The following KIF13B variants were observed in gnomAD, a reference collection of about 807,000 sequenced individuals.
The protein encoded by KIF13B is kinesin family member 13B.
KIF13B carries 127 observed loss-of-function variants against 222.0 expected under a neutral mutation model. That is an observed-to-expected ratio of 0.57 (90% CI 0.50 to 0.66). The LOEUF (loss-of-function observed/expected upper bound fraction) is 0.66. Among genes scored for constraint, KIF13B ranks in the 30% least tolerant of loss-of-function variants. The pLI is 0.00. For synonymous variants in KIF13B, 976 were observed against 919.0 expected, an observed-to-expected ratio of 1.06 and a Z score of -1.12; for missense variants, 2,173 against 2,379.0, an observed-to-expected ratio of 0.91 and a Z score of 1.80.
At chr8:29,259,545 T>C (rs1261530327) in intron 1 of KIF13B, among the ~76,000 whole-genome samples, 1 of 152,236 alleles carries the variant, frequency 6.6e-6, no homozygotes, top group Non-Finnish European at 1.5e-5. Context: ...CTATCTAATA[T>C]AAGCCAGATA....
chr8:29,110,128 C>T (rs992880985), intron 32 of KIF13B, 58 bp from the exon 33 acceptor site: 11 of 1,336,362 alleles, frequency 8.2e-6, no homozygotes, highest in Non-Finnish European at 1.0e-5. Flanking sequence ...CACACACGTA[C>T]ACGCGTGCAC....
At position 29,069,282 on chromosome 8, in the gene KIF13B, G is replaced by C. The variant is rs1807139946; in HGVS notation, c.*1222C>G. Reference sequence around the variant, plus strand: ...GAGGCCACCCCGGAAGCTTCCGGCTGTCCCGCCCACACCATGCACGGTGGG... The same window carrying C: ...GAGGCCACCCCGGAAGCTTCCGGCTCTCCCGCCCACACCATGCACGGTGGG... On this transcript the variant is annotated 3_prime_UTR_variant, in exon 40 of 40. Coordinates refer to ENST00000524189, the MANE Select transcript of KIF13B (RefSeq NM_015254.4). The C allele has an allele frequency of 6.6e-6, 1 of 152,274 alleles. No homozygotes were observed. Among genetic ancestry groups the C allele is most frequent in the African/African-American group, 2.4e-5 (1 of 41,436 alleles). The allele number at this position is 152,274 out of a possible 1,614,324, so 9.4% of individuals were successfully genotyped here.
chr8:29,245,256 G>A (rs1815970185), intron 2 of KIF13B, 90 bp downstream of exon 2: 13 of 839,936 alleles, frequency 1.5e-5, no homozygotes, highest in South Asian at 6.0e-5. Context: ...GTAGGCATTC[G>A]ATATCTATTC....
intron 17 of KIF13B, among the ~76,000 whole-genome samples, chr8:29,146,750 G>A (rs1246456613): frequency 6.6e-6 from 1 of 152,146 alleles, no homozygotes; most frequent in Non-Finnish European, 1.5e-5. Flanking sequence ...CAGCCACACA[G>A]CAAGCCGGCT....
intron 1 of KIF13B, among the ~76,000 whole-genome samples, chr8:29,246,076 T>C (rs903406954): frequency 2.6e-5 from 4 of 152,194 alleles, no homozygotes; most frequent in African/African-American, 9.6e-5. Context: ...ACACATTGTA[T>C]ACATGTATCA....
chr8:29,073,924 T>C (rs944019893), intron 38 of KIF13B, among the ~76,000 whole-genome samples: 8 of 152,218 alleles, frequency 5.3e-5, no homozygotes, highest in African/African-American at 1.9e-4. Flanking sequence ...CCAGCATAAA[T>C]ACTCTAAAAG....
At chr8:29,202,350 C>T (rs368166046) in intron 2 of KIF13B, among the ~76,000 whole-genome samples, 6 of 152,176 alleles carry the variant, frequency 3.9e-5, no homozygotes, top group African/African-American at 1.4e-4. Flanking sequence ...CAGAGTCTTG[C>T]TCTGTTGCCC....
chr8:29,262,675 C>A (rs948847613), intron 1 of KIF13B, among the ~76,000 whole-genome samples: 11 of 151,142 alleles, frequency 7.3e-5, no homozygotes, highest in Admixed American at 2.6e-4. Flanking sequence ...CCCTCGGGAA[C>A]CTCCGGGGGA....
intron 10 of KIF13B, among the ~76,000 whole-genome samples, chr8:29,174,946 G>A (rs759666778): frequency 7.9e-5 from 12 of 152,274 alleles, no homozygotes; most frequent in South Asian, 2.1e-4. Flanking sequence ...AACATGCTAT[G>A]GACTAAATCA....
At position 29,165,726 on chromosome 8, in the gene KIF13B, T is replaced by C. The variant is rs770290644; in HGVS notation, c.1205A>G (p.Lys402Arg). 2 of 1,613,932 alleles carry C rather than the reference T, an allele frequency of 1.2e-6. No homozygotes were observed. The highest frequency in any genetic ancestry group is 2.2e-5 in the South Asian group (2 of 91,076). The change falls in exon 12 of 40, where the codon AAG becomes AGG. Residue 402 changes from lysine to arginine, a missense_variant. By Grantham distance (26) the Lys-to-Arg change is conservative (BLOSUM62 2). Coordinates refer to ENST00000524189, the MANE Select transcript of KIF13B (RefSeq NM_015254.4). ...GGTCACAGTCATTTCCTGGATTAGC[T>C]TCTCAGATTCTTCCAGCCGGTCCTT... ...ELKDRLEESE[K>R]LIQEMTVTWE...
chr8:29,103,190 C>T (rs1317818579), intron 35 of KIF13B, among the ~76,000 whole-genome samples: 2 of 147,318 alleles, frequency 1.4e-5, no homozygotes, highest in South Asian at 4.3e-4. Context: ...TGCAGTGAGC[C>T]GAGATAGCGC....
chr8:29,152,008 T>G (rs1268938946), intron 14 of KIF13B, among the ~76,000 whole-genome samples: 7 of 152,182 alleles, frequency 4.6e-5, no homozygotes, highest in Non-Finnish European at 4.4e-5. Context: ...AGTAAAAATA[T>G]CAACATTAAC....
intron 2 of KIF13B, among the ~76,000 whole-genome samples, chr8:29,212,539 T>C (rs567463896): frequency 2.0e-5 from 3 of 152,278 alleles, no homozygotes; most frequent in African/African-American, 7.2e-5. Flanking sequence ...CACATTAGAC[T>C]ATTATAAAGA....
intron 2 of KIF13B, among the ~76,000 whole-genome samples, chr8:29,232,156 C>T (rs1815313586): frequency 6.6e-6 from 1 of 151,938 alleles, no homozygotes; most frequent in Non-Finnish European, 1.5e-5. Context: ...ACTTGGGTGG[C>T]TGAGGTGGGA....
intron 10 of KIF13B, among the ~76,000 whole-genome samples, chr8:29,167,914 G>A (rs876058): frequency 0.6 from 91,828 of 151,884 alleles, 30,410 homozygotes; most frequent in Non-Finnish European, 0.76. Context: ...CAGACTACTC[G>A]GAATAAAAAA....
At chr8:29,236,200 T>G (rs1424702234) in intron 2 of KIF13B, among the ~76,000 whole-genome samples, 1 of 152,182 alleles carries the variant, frequency 6.6e-6, no homozygotes, top group African/African-American at 2.4e-5. Flanking sequence ...ATTTTTTTCC[T>G]CCTCCTCACA....
At chr8:29,157,550 A>G (rs1433577170) in intron 13 of KIF13B, among the ~76,000 whole-genome samples, 3 of 151,814 alleles carry the variant, frequency 2.0e-5, no homozygotes, top group Admixed American at 1.3e-4. Context: ...TAAGAATACA[A>G]AAAAATTAGC....
At chr8:29,122,526 A>G in intron 29 of KIF13B, 65 bp downstream of exon 29, 1 of 1,307,152 alleles carries the variant, frequency 7.7e-7, no homozygotes, top group Non-Finnish European at 1.1e-6. Context: ...CTTGGTTGGA[A>G]TCTACATGTT....
Position 29,072,287 on chromosome 8 carries a change from C to T in KIF13B, c.4551G>A (p.Leu1517=). 3 of 1,461,210 alleles carry T rather than the reference C, an allele frequency of 2.1e-6. No individual in the cohort carries two copies. The highest frequency in any genetic ancestry group is 2.7e-6 in the Non-Finnish European group (3 of 1,107,674). The allele number at this position is 1,461,210 out of a possible 1,614,324, so 90.5% of individuals were successfully genotyped here. A position where few individuals can be genotyped will look rare whatever the true frequency, so the allele number is the denominator to read the frequency against. ...AGGCCGGGGCCCCCATCGTCTGCAC[C>T]AGCACGTCAGGGCCCATCTCCGGCT... The part of the protein sequence containing the change: ...EAQPEMGPDV[L]VQTMGAPALK... Residue 1517 remains leucine (L), a synonymous_variant, in exon 39 of 40, where the codon CTG becomes CTA. Coordinates refer to ENST00000524189, the MANE Select transcript of KIF13B (RefSeq NM_015254.4).
Sources: allele counts gnomAD v4.1 joint callset (sites outside exome capture counted in the v4.1 genomes callset), GRCh38; gene constraint gnomAD v4.1.1; transcripts MANE v1.5; gene names NCBI Gene and HGNC (gene_info 2026-07-23, HGNC 2026-07-21).